Variants in NHSL2 observed in about 807,000 individuals in gnomAD.
NHSL2 encodes NHS-like protein 2.
In NHSL2, 27 loss-of-function variants were observed where a neutral mutation model predicts 53.4. The observed-to-expected ratio is 0.51, with a 90% confidence interval of 0.37 to 0.70. The LOEUF (loss-of-function observed/expected upper bound fraction) is 0.70. Among genes scored for constraint, NHSL2 ranks in the 30% least tolerant of loss-of-function variants. The probability of loss-of-function intolerance (pLI) is 0.00; values close to 1 mark genes in which losing one functional copy is unlikely to be tolerated. For synonymous variants in NHSL2, 408 were observed against 404.1 expected (o/e 1.01, Z -0.12); for missense variants, 892 against 980.1 (o/e 0.91, Z 1.20).
intron 1 of NHSL2, among the ~76,000 whole-genome samples, chrX:71,956,319 T>G (rs1038548287): frequency 1.8e-5 from 2 of 112,065 alleles, no homozygotes; most frequent in Non-Finnish European, 3.8e-5. Flanking sequence ...TGATCACCTT[T>G]AATCTTTCTT....
At chrX:71,954,816 C>T (rs1261734426) in intron 1 of NHSL2, among the ~76,000 whole-genome samples, 5 of 112,447 alleles carry the variant, frequency 4.4e-5, no homozygotes, top group Non-Finnish European at 9.4e-5. Flanking sequence ...CCCTAGTGTC[C>T]TTTGTTTTGT....
At chrX:72,043,577 C>T (rs543377222) in intron 1 of NHSL2, among the ~76,000 whole-genome samples, 34 of 111,275 alleles carry the variant, frequency 3.1e-4, no homozygotes, top group African/African-American at 1.0e-3. Flanking sequence ...GCCTCAAACC[C>T]GTACTCTTTC....
rs190370246 is a variant in NHSL2 at position 72,038,646 on chromosome X, T to A, written c.281-93433T>A. Among the ~76,000 whole-genome samples, 89 of 112,518 alleles carry A rather than the reference T, an allele frequency of 7.9e-4. 3 individuals carry two copies. In the East Asian group the frequency reaches 0.01, roughly 13 times the overall value. On this transcript the variant is annotated intron_variant, in intron 1 of 7. Transcript: ENST00000633930. ...GCTGTATATAAATGGCATCATACTG[T>A]GCATACATGTTCTGCAAATTTCTCT...
intron 1 of NHSL2, among the ~76,000 whole-genome samples, chrX:72,024,322 G>T (rs1440266221): frequency 1.8e-5 from 2 of 111,813 alleles, no homozygotes; most frequent in Non-Finnish European, 3.8e-5. Flanking sequence ...TACAAATGGG[G>T]CTACCAGGAG....
intron 1 of NHSL2, among the ~76,000 whole-genome samples, chrX:72,038,681 A>C (rs1268029692): frequency 8.9e-6 from 1 of 112,450 alleles, no homozygotes; most frequent in African/African-American, 3.2e-5. Context: ...TTTTTATGCA[A>C]ATTTAGAGTG....
At position 72,131,324 on chromosome X, in the gene NHSL2, G is replaced by A. The variant is rs768317644; in HGVS notation, c.281-755G>A. On this transcript the variant is annotated intron_variant, in intron 1 of 7. Transcript: ENST00000633930. ...CCGGGAATGACTTCGATCTCACTGA[G>A]CGCGAACTCCAAGTTCTCCTCCGCA... is the stretch of plus-strand genomic sequence containing the variant. 26 of 1,202,244 alleles carry A rather than the reference G, an allele frequency of 2.2e-5. No homozygotes were observed. Among genetic ancestry groups the A allele is most frequent in the Non-Finnish European group, 2.8e-5 (25 of 890,767 alleles).
intron 1 of NHSL2, among the ~76,000 whole-genome samples, chrX:72,011,927 T>A (rs146760800): frequency 0.028 from 3,176 of 112,014 alleles, 107 homozygotes; most frequent in African/African-American, 0.099. Context: ...TTCAGTGACT[T>A]GTCTATTTAT....
intron 1 of NHSL2, among the ~76,000 whole-genome samples, chrX:72,025,693 A>G (rs1036241332): frequency 8.9e-6 from 1 of 112,015 alleles, no homozygotes; most frequent in Non-Finnish European, 1.9e-5. Flanking sequence ...AAACTAAGTG[A>G]CACCATTTTT....
intron 1 of NHSL2, among the ~76,000 whole-genome samples, chrX:72,085,992 A>G (rs188503003): frequency 1.8e-5 from 2 of 111,584 alleles, no homozygotes; most frequent in African/African-American, 6.5e-5. Flanking sequence ...CTGAACAAAA[A>G]GAATTCTAGC....
chrX:71,974,381 C>T (rs2041939418), intron 1 of NHSL2, among the ~76,000 whole-genome samples: 1 of 112,003 alleles, frequency 8.9e-6, no homozygotes, highest in African/African-American at 3.2e-5. Context: ...GAGTTTCAGA[C>T]TTATCACATA....
At chrX:72,133,968 G>C (rs1212605346) in intron 2 of NHSL2, 123 bp from the exon 3 acceptor site, 2 of 700,183 alleles carry the variant, frequency 2.9e-6, no homozygotes, top group African/African-American at 4.4e-5. Flanking sequence ...CCTGGAAATA[G>C]CCTAAAGAAA....
chrX:72,030,991 A>C (rs184273676), intron 1 of NHSL2, among the ~76,000 whole-genome samples: 2 of 111,919 alleles, frequency 1.8e-5, no homozygotes, highest in Admixed American at 1.9e-4. Flanking sequence ...AGCTTCTTTT[A>C]TGCAGCAGAC....
At chrX:71,942,972 C>CTCTCTCTGTGTG (rs1220648470) in intron 1 of NHSL2, among the ~76,000 whole-genome samples, 2 of 74,033 alleles carry the variant, frequency 2.7e-5, no homozygotes, top group African/African-American at 5.5e-5. Context: ...CTCTCTCTCT[C>CTCTCTCTGTGTG]TGTGTGTGTG....
intron 1 of NHSL2, among the ~76,000 whole-genome samples, chrX:72,008,259 T>C (rs1370894687): frequency 5.3e-5 from 6 of 112,857 alleles, no homozygotes; most frequent in African/African-American, 1.6e-4. Context: ...ATCTGCTCAG[T>C]GGTTGGACGT....
intron 1 of NHSL2, among the ~76,000 whole-genome samples, chrX:72,117,601 C>T (rs1352005320): frequency 1.8e-5 from 2 of 109,780 alleles, no homozygotes; most frequent in Non-Finnish European, 3.8e-5. Flanking sequence ...TCCCCTCAAT[C>T]GCCTCCCCAG....
At chrX:71,997,618 C>T (rs777691217) in intron 1 of NHSL2, among the ~76,000 whole-genome samples, 1 of 112,536 alleles carries the variant, frequency 8.9e-6, no homozygotes, top group African/African-American at 3.2e-5. Flanking sequence ...GCCCATACTG[C>T]CTGGCTCTGC....
chrX:72,030,364 G>A (rs2042208090), intron 1 of NHSL2, among the ~76,000 whole-genome samples: 1 of 112,345 alleles, frequency 8.9e-6, no homozygotes, highest in African/African-American at 3.2e-5. Flanking sequence ...TGGGGTCTCC[G>A]CAGGGGGCAC....
intron 1 of NHSL2, among the ~76,000 whole-genome samples, chrX:72,014,336 A>G (rs2042127447): frequency 9.1e-6 from 1 of 109,962 alleles, no homozygotes; most frequent in Non-Finnish European, 1.9e-5. Context: ...CTTTGGCTTT[A>G]TTTTGCTCTC....
At chrX:72,025,698 AT>A (rs1449981701) in intron 1 of NHSL2, among the ~76,000 whole-genome samples, 1 of 111,770 alleles carries the variant, frequency 8.9e-6, no homozygotes, top group Middle Eastern at 4.6e-3. Context: ...AAGTGACACC[AT>A]TTTTTTCAGC....
Sources: allele counts gnomAD v4.1 joint callset (sites outside exome capture counted in the v4.1 genomes callset), GRCh38; gene constraint gnomAD v4.1.1; transcripts MANE v1.5; gene names NCBI Gene and HGNC (gene_info 2026-07-23, HGNC 2026-07-21).